USP26: variants seen among roughly 807,000 people sequenced by gnomAD.
The protein encoded by USP26 is ubiquitin specific peptidase 26.
For synonymous variants in USP26, 236 were observed against 240.6 expected, an observed-to-expected ratio of 0.98 and a Z score of 0.18; for missense variants, 649 against 642.3, an observed-to-expected ratio of 1.01 and a Z score of -0.11.
At chrX:133,084,633 C>T (rs1021307789) in intron 4 of USP26, among the ~76,000 whole-genome samples, 8 of 109,938 alleles carry the variant, frequency 7.3e-5, no homozygotes, top group Admixed American at 6.8e-4. Flanking sequence ...CCTGCCTCAG[C>T]CTCCCAAAGT....
rs781448319 is a variant in USP26 at position 133,071,639 on chromosome X, C to T, written c.-77+12068G>A. Among the ~76,000 whole-genome samples the T allele has an allele frequency of 4.5e-5, 5 of 111,753 alleles. No individual in the cohort carries two copies. The East Asian group carries it at 1.1e-3, about 25-fold the overall frequency. On this transcript the variant is annotated intron_variant, in intron 5 of 5. Transcript: ENST00000511190. ...TTAATTATTATTCTAATATCAAATGCCATATATAGAAGCAGGCTTGGTGCT... is the reference window on the plus strand; with the variant it reads ...TTAATTATTATTCTAATATCAAATGTCATATATAGAAGCAGGCTTGGTGCT...
rs2067331855 is a variant in USP26 at position 133,023,178 on chromosome X, C to A, written c.*2301G>T. On this transcript the variant is annotated 3_prime_UTR_variant, in exon 6 of 6. Coordinates refer to ENST00000511190, the MANE Select transcript of USP26 (RefSeq NM_031907.3). ...ACTGAGTCACTTAACAACTTTTAAT[C>A]TTTTATTTGAAAACATACCATGTAG... Among the ~76,000 whole-genome samples, 2 of 111,663 alleles carry A rather than the reference C, an allele frequency of 1.8e-5. No homozygotes were observed.
intron 5 of USP26, among the ~76,000 whole-genome samples, chrX:133,070,300 A>G (rs1468202714): frequency 8.9e-6 from 1 of 111,761 alleles, no homozygotes; most frequent in African/African-American, 3.2e-5. Context: ...TTTAATTTAG[A>G]TAAATGGAGT....
At chrX:133,046,798 C>G (rs891703518) in intron 5 of USP26, among the ~76,000 whole-genome samples, 1 of 112,002 alleles carries the variant, frequency 8.9e-6, no homozygotes, top group Non-Finnish European at 1.9e-5. Context: ...AAAAAGGAAC[C>G]CATAAAGCTC....
rs1032266388 is a variant in USP26 at position 133,083,722 on chromosome X, G to A, written c.-92C>T. The A allele has an allele frequency of 4.5e-5, 5 of 111,712 alleles. No homozygotes were observed. Among genetic ancestry groups the A allele is most frequent in the Non-Finnish European group, 7.5e-5 (4 of 53,229 alleles). The allele number at this position is 111,712 out of a possible 1,213,427, so 9.2% of individuals were successfully genotyped here. On this transcript the variant is annotated 5_prime_UTR_variant, in exon 5 of 6. Coordinates refer to ENST00000511190, the MANE Select transcript of USP26 (RefSeq NM_031907.3). ...ATATCCTTACCTCCACAAGGATCCT[G>A]AGAGGCAAGCACTTAGCAAGCAGCC...
chrX:133,077,693 G>A (rs2067554371), intron 5 of USP26, among the ~76,000 whole-genome samples: 1 of 111,708 alleles, frequency 9.0e-6, no homozygotes, highest in Admixed American at 9.5e-5. Context: ...CCTAGTGGAA[G>A]GTGTTTGGAT....
chrX:133,065,417 C>T (rs774399443), intron 5 of USP26, among the ~76,000 whole-genome samples: 4 of 111,556 alleles, frequency 3.6e-5, no homozygotes, highest in African/African-American at 1.3e-4. Flanking sequence ...CTGGCAGAGA[C>T]ACAACAAAAA....
At chrX:133,087,638 A>G (rs924667634) in intron 4 of USP26, among the ~76,000 whole-genome samples, 6 of 112,556 alleles carry the variant, frequency 5.3e-5, no homozygotes, top group African/African-American at 9.7e-5. Flanking sequence ...AACACATAAA[A>G]TTATAATTTG....
chrX:133,026,644 A>G lies in USP26; in HGVS notation c.1577T>C (p.Leu526Ser), dbSNP rs1602965309. The G allele has an allele frequency of 8.3e-7, 1 of 1,207,943 alleles. No homozygotes were observed. The change falls in exon 6 of 6, where the codon TTG becomes TCG. Residue 526 changes from leucine (L) to serine (S), a missense_variant. Transcript: ENST00000511190. ...CTTCTTTAATGCACAAAACTCATTCAAGCTATAGCGTTTGAGGTGAACAAT... is the reference window on the plus strand; with the variant it reads ...CTTCTTTAATGCACAAAACTCATTCGAGCTATAGCGTTTGAGGTGAACAAT... ...ILIVHLKRYS[L>S]NEFCALKKND...
intron 5 of USP26, among the ~76,000 whole-genome samples, chrX:133,061,033 G>T (rs1324549602): frequency 8.9e-6 from 1 of 111,762 alleles, no homozygotes; most frequent in African/African-American, 3.2e-5. Context: ...TGGGATTCAA[G>T]CATCCAAGGA....
intron 5 of USP26, among the ~76,000 whole-genome samples, chrX:133,063,185 G>T (rs756346322): frequency 1.8e-5 from 2 of 111,162 alleles, no homozygotes; most frequent in Non-Finnish European, 3.8e-5. Flanking sequence ...GAGAAAAAAG[G>T]ATGAAAGGGA....
chrX:133,074,175 C>T (rs1321402646), intron 5 of USP26, among the ~76,000 whole-genome samples: 2 of 111,987 alleles, frequency 1.8e-5, no homozygotes, highest in African/African-American at 6.5e-5. Context: ...CCCCAAGAGC[C>T]CTTCTGGCTT....
At chrX:133,079,857 T>C (rs2067563804) in intron 5 of USP26, among the ~76,000 whole-genome samples, 1 of 111,282 alleles carries the variant, frequency 9.0e-6, no homozygotes, top group African/African-American at 3.3e-5. Flanking sequence ...AGATAAAAAA[T>C]ATAGATGAAT....
rs1480072842 is a variant in USP26, at chrX:133,073,705, A to G, written c.-77+10002T>C. ...AGTCTAGCTCTGGAAATAAGCATTCAAGAAACCCTGTATGACTTTGAATTC... is the reference window on the plus strand; with the variant it reads ...AGTCTAGCTCTGGAAATAAGCATTCGAGAAACCCTGTATGACTTTGAATTC... On this transcript the variant is annotated intron_variant, in intron 5 of 5. Coordinates refer to ENST00000511190, the MANE Select transcript of USP26 (RefSeq NM_031907.3). Among the ~76,000 whole-genome samples the G allele has an allele frequency of 3.7e-4, 41 of 111,886 alleles. 1 individual carries two copies. The Admixed American group carries it at 3.8e-3, about 10-fold the overall frequency.
intron 5 of USP26, among the ~76,000 whole-genome samples, chrX:133,062,962 A>C (rs936302192): frequency 7.2e-5 from 8 of 111,216 alleles, no homozygotes; most frequent in Non-Finnish European, 1.9e-5. Flanking sequence ...AACCCAATGC[A>C]AGGAAGCAAA....
intron 5 of USP26, among the ~76,000 whole-genome samples, chrX:133,039,609 C>T (rs2067410163): frequency 9.0e-6 from 1 of 110,579 alleles, no homozygotes; most frequent in Admixed American, 9.6e-5. Flanking sequence ...AGAATATGTG[C>T]TTTGTGGTGC....
At chrX:133,057,844 T>TTA (rs1198872172) in intron 5 of USP26, among the ~76,000 whole-genome samples, 685 of 30,666 alleles carry the variant, frequency 0.022, 84 homozygotes, top group African/African-American at 0.034. Context: ...ATACTTTACA[T>TTA]TATATATATA....
At chrX:133,029,195 G>A (rs1224998884) in intron 5 of USP26, among the ~76,000 whole-genome samples, 1 of 112,495 alleles carries the variant, frequency 8.9e-6, no homozygotes, top group Non-Finnish European at 1.9e-5. Flanking sequence ...CCAAGAATTA[G>A]TTGGAAGCTG....
At chrX:133,056,227 A>G (rs1278521219) in intron 5 of USP26, among the ~76,000 whole-genome samples, 4 of 111,696 alleles carry the variant, frequency 3.6e-5, no homozygotes, top group African/African-American at 1.3e-4. Flanking sequence ...TAGTTCAGGT[A>G]CATCAAACTG....
Sources: gnomAD v4.1 joint callset for allele counts (sites outside exome capture counted in the v4.1 genomes callset) on GRCh38, gnomAD v4.1.1 for gene constraint, MANE v1.5 for transcripts, NCBI Gene and HGNC (gene_info 2026-07-23, HGNC 2026-07-21) for gene names.